Variants in NADK2 observed in about 807,000 individuals in gnomAD.
The protein encoded by NADK2 is NAD kinase domain-containing protein 1, mitochondrial.
Under a neutral mutation model 62.1 loss-of-function variants are expected in NADK2, and 35 were observed. The ratio of observed to expected loss-of-function variants is 0.56; its 90% CI spans 0.43 to 0.75. The LOEUF (loss-of-function observed/expected upper bound fraction) is 0.75. Ranked by LOEUF, NADK2 falls within the 30% of genes least tolerant of loss-of-function variation. NADK2 has a pLI of 0.00. For synonymous variants in NADK2, 205 were observed against 207.9 expected, an observed-to-expected ratio of 0.99 and a Z score of 0.12; for missense variants, 439 against 561.3, an observed-to-expected ratio of 0.78 and a Z score of 2.20.
intron 1 of NADK2, among the ~76,000 whole-genome samples, chr5:36,239,017 CAAAT>C (rs1226600699): frequency 6.6e-6 from 1 of 152,076 alleles, no homozygotes; most frequent in Admixed American, 6.5e-5. Context: ...TGCATTTTAA[CAAAT>C]AGCCTAAAAC....
Position 36,237,476 on chromosome 5 carries a change from C to T in NADK2, c.300+4023G>A, listed in dbSNP as rs75182420. Among the ~76,000 whole-genome samples the T allele has an allele frequency of 0.012, 1,847 of 152,272 alleles. 149 individuals carry two copies. In the East Asian group the frequency reaches 0.21, roughly 18 times the overall value. On this transcript the variant is annotated intron_variant, in intron 1 of 11. Transcript: ENST00000381937. Reference sequence around the variant, plus strand: ...GGAAGAAAACACAAGAAATTGATAACAGTTACTTCCAGGGACAAAACTGAA... The same window carrying T: ...GGAAGAAAACACAAGAAATTGATAATAGTTACTTCCAGGGACAAAACTGAA...
intron 1 of NADK2, among the ~76,000 whole-genome samples, chr5:36,229,888 A>G (rs1235924881): frequency 1.3e-5 from 2 of 150,720 alleles, no homozygotes; most frequent in Non-Finnish European, 3.0e-5. Flanking sequence ...TTCCCCACCT[A>G]TGGCTTAAGC....
chr5:36,237,567 A>G (rs1332076391), intron 1 of NADK2, among the ~76,000 whole-genome samples: 1 of 152,224 alleles, frequency 6.6e-6, no homozygotes, highest in African/African-American at 2.4e-5. Context: ...ATTTTGAATC[A>G]TTTTATGTGC....
chr5:36,227,869 G>C (rs1338773438), intron 1 of NADK2, among the ~76,000 whole-genome samples: 1 of 148,938 alleles, frequency 6.7e-6, no homozygotes, highest in African/African-American at 2.5e-5. Context: ...TTTTGAGATG[G>C]AGTCTCGCTC....
intron 9 of NADK2, among the ~76,000 whole-genome samples, chr5:36,200,614 T>C (rs923535280): frequency 1.3e-5 from 2 of 152,002 alleles, no homozygotes; most frequent in African/African-American, 4.8e-5. Context: ...TTGCACATCA[T>C]TCTGAGTAGC....
intron 1 of NADK2, among the ~76,000 whole-genome samples, chr5:36,235,642 A>G (rs76843742): frequency 8.2e-4 from 125 of 152,216 alleles, no homozygotes; most frequent in African/African-American, 2.9e-3. Context: ...TAACATTCCT[A>G]CATTAGCCAT....
Position 36,227,458 on chromosome 5 carries a change from C to A in NADK2, c.389+19G>T. 7.5e-7 allele frequency: 1 copy of A among 1,329,936 alleles called. No homozygotes were observed. The highest frequency in any genetic ancestry group is 9.9e-7 in the Non-Finnish European group (1 of 1,005,614). 82.4% of individuals were successfully genotyped at this position (1,329,936 alleles called of 1,614,324 possible). On this transcript the variant is annotated intron_variant, in intron 2 of 11. Coordinates refer to ENST00000381937, the MANE Select transcript of NADK2 (RefSeq NM_001085411.3). The stretch of plus-strand genomic sequence containing the variant: ...CCTGAATATAAAATCCAACCCAAGA[C>A]CCAATCCCATAGACTTACCGTAAAC...
intron 2 of NADK2, 42 bp from the exon 3 acceptor site, chr5:36,226,605 AAT>A: frequency 1.5e-6 from 2 of 1,365,948 alleles, no homozygotes; most frequent in South Asian, 1.2e-5. Flanking sequence ...TTCCACTAAT[AAT>A]ATATATAACA....
chr5:36,241,911 G>T lies in NADK2; in HGVS notation c.-113C>A. On this transcript the variant is annotated 5_prime_UTR_variant, in exon 1 of 12. Transcript: ENST00000381937. The surrounding 1 kb of genome is among the most constrained non-coding windows in gnomAD (Gnocchi z 4.9). Reference sequence around the variant, plus strand: ...GGGCCTCTAACTTCGCGCCGGACGGGCAGAGGTTAAGTGCCAGGACGTGCG... The same window carrying T: ...GGGCCTCTAACTTCGCGCCGGACGGTCAGAGGTTAAGTGCCAGGACGTGCG... 1.1e-6 allele frequency: 1 copy of T among 919,032 alleles called. No homozygotes were observed. Among genetic ancestry groups the T allele is most frequent in the African/African-American group, 1.8e-5 (1 of 56,338 alleles). The allele number at this position is 919,032 out of a possible 1,614,324, so 56.9% of individuals were successfully genotyped here. A position where few individuals can be genotyped will look rare whatever the true frequency, so the allele number is the denominator to read the frequency against.
intron 1 of NADK2, among the ~76,000 whole-genome samples, chr5:36,234,622 T>C (rs1747836063): frequency 6.6e-6 from 1 of 152,162 alleles, no homozygotes; most frequent in Non-Finnish European, 1.5e-5. Context: ...TTACCTCTGG[T>C]GAGGTAGGGA....
intron 7 of NADK2, among the ~76,000 whole-genome samples, chr5:36,211,554 C>CAA (rs11387893): frequency 6.7e-4 from 98 of 146,584 alleles, no homozygotes; most frequent in Middle Eastern, 3.5e-3. Context: ...GACTCAGTCT[C>CAA]AAAAAAAAAA....
At chr5:36,217,375 G>A (rs1278121688) in intron 6 of NADK2, among the ~76,000 whole-genome samples, 1 of 151,852 alleles carries the variant, frequency 6.6e-6, no homozygotes, top group Non-Finnish European at 1.5e-5. Context: ...ATATATTTAA[G>A]TATAACTATA....
chr5:36,232,140 T>C (rs944959540), intron 1 of NADK2, among the ~76,000 whole-genome samples: 6 of 152,200 alleles, frequency 3.9e-5, no homozygotes, highest in South Asian at 2.1e-4. Flanking sequence ...TTTGAATGGA[T>C]AGATTTAGCA....
chr5:36,225,787 C>T (rs1434784677), intron 3 of NADK2, among the ~76,000 whole-genome samples, 164 bp from the exon 4 acceptor site: 1 of 152,198 alleles, frequency 6.6e-6, no homozygotes, highest in Non-Finnish European at 1.5e-5. Context: ...GATTCTCTCT[C>T]CCACTCTAAT....
At chr5:36,215,967 G>A (rs963285554) in intron 6 of NADK2, among the ~76,000 whole-genome samples, 10 of 152,144 alleles carry the variant, frequency 6.6e-5, no homozygotes, top group African/African-American at 2.4e-4. Context: ...TAGTGGGATT[G>A]CTAGATTGTA....
In NADK2 at chr5:36,217,901, A is replaced by C. The variant is rs751448073; in HGVS notation, c.645-17T>G. 6.2e-7 allele frequency: 1 copy of C among 1,609,528 alleles called. No homozygotes were observed. Among genetic ancestry groups the C allele is most frequent in the Non-Finnish European group, 8.5e-7 (1 of 1,176,828 alleles). On this transcript the variant is annotated splice_polypyrimidine_tract_variant and intron_variant, in intron 5 of 11. Transcript: ENST00000381937. ...CACAACCACCTTAGAAAAATGAAGAAAAGGCAAATTATGTTAAAATAGAAT... is the reference window on the plus strand; with the variant it reads ...CACAACCACCTTAGAAAAATGAAGACAAGGCAAATTATGTTAAAATAGAAT...
chr5:36,238,220 T>C (rs1334735450), intron 1 of NADK2, among the ~76,000 whole-genome samples: 1 of 152,212 alleles, frequency 6.6e-6, no homozygotes, highest in Non-Finnish European at 1.5e-5. Context: ...AAAAGTATTA[T>C]CTGCCCAAGT....
intron 8 of NADK2, among the ~76,000 whole-genome samples, chr5:36,202,098 G>C (rs1238697020): frequency 6.6e-6 from 1 of 152,034 alleles, no homozygotes; most frequent in East Asian, 1.9e-4. Context: ...GGGGGAGTGA[G>C]AGTAAGAGAT....
intron 10 of NADK2, among the ~76,000 whole-genome samples, chr5:36,198,597 GATATA>G (rs1369960069): frequency 1.4e-5 from 2 of 147,468 alleles, no homozygotes; most frequent in Admixed American, 6.8e-5. Flanking sequence ...TATATATATA[GATATA>G]ATATAAATTA....
Sources: gnomAD v4.1 joint callset for allele counts (sites outside exome capture counted in the v4.1 genomes callset) on GRCh38, gnomAD v4.1.1 for gene constraint, Gnocchi (gnomAD v3.1) non-coding constraint, MANE v1.5 for transcripts, NCBI Gene and HGNC (gene_info 2026-07-23, HGNC 2026-07-21) for gene names.